SPRY3: variants seen among roughly 807,000 people sequenced by gnomAD.
SPRY3 encodes protein sprouty homolog 3.
Under a neutral mutation model 20.2 loss-of-function variants are expected in SPRY3, and 15 were observed. That is an observed-to-expected ratio of 0.74 (90% CI 0.50 to 1.14). SPRY3 has a LOEUF of 1.14. Among genes scored for constraint, SPRY3 ranks in the 50% most tolerant of loss-of-function variants. The probability of loss-of-function intolerance (pLI) is 0.00; values close to 1 mark genes in which losing one functional copy is unlikely to be tolerated. For missense variants in SPRY3, 364 were observed against 363.9 expected (o/e 1.00, Z 0.00); for synonymous variants, 143 against 136.5 (o/e 1.05, Z -0.33).
intron 2 of SPRY3, among the ~76,000 whole-genome samples, chrX:155,750,983 T>C (rs1412825737): frequency 1.3e-5 from 2 of 151,818 alleles, no homozygotes; most frequent in African/African-American, 4.8e-5. Context: ...GGAAGTGTAA[T>C]TGTAATGATG....
At chrX:155,738,881 C>T (rs2091186311) in intron 2 of SPRY3, among the ~76,000 whole-genome samples, 1 of 152,190 alleles carries the variant, frequency 6.6e-6, no homozygotes, top group African/African-American at 2.4e-5. Flanking sequence ...TTTGTACATT[C>T]CCCTAGGAAG....
Position 155,738,221 on chromosome X carries a change from G to T in SPRY3, c.-281-29741G>T, listed in dbSNP as rs1289948763. ...TTTATCAAAATGAAAAAAATGCACT[G>T]GGAAAAAGATGTTAAGAGGATGAAA... On this transcript the variant is annotated intron_variant, in intron 2 of 3. Transcript: ENST00000675360. Among the ~76,000 whole-genome samples the T allele has an allele frequency of 3.3e-5, 5 of 152,020 alleles. No individual in the cohort carries two copies. In the South Asian group the frequency reaches 6.2e-4, roughly 19 times the overall value.
At chrX:155,743,856 C>A (rs999690420) in intron 2 of SPRY3, among the ~76,000 whole-genome samples, 1 of 151,878 alleles carries the variant, frequency 6.6e-6, no homozygotes, top group Non-Finnish European at 1.5e-5. Flanking sequence ...CATGAATGAA[C>A]CTTGAAAACA....
At chrX:155,759,630 T>A (rs1318127794) in intron 2 of SPRY3, among the ~76,000 whole-genome samples, 1 of 152,174 alleles carries the variant, frequency 6.6e-6, no homozygotes, top group Admixed American at 6.5e-5. Context: ...TGTCCCTCAA[T>A]ATATGTTTGC....
chrX:155,615,955 A>G (rs2067850061), intron 1 of SPRY3, among the ~76,000 whole-genome samples: 1 of 111,124 alleles, frequency 9.0e-6, no homozygotes, highest in South Asian at 3.8e-4. Context: ...AAGGTGTTTC[A>G]CAGAACTCAA....
At chrX:155,780,621 ATCATGTG>A (rs1461005927), downstream of SPRY3, 2 of 166,936 alleles carry the variant, frequency 1.2e-5, no homozygotes, top group African/African-American at 4.8e-5. Context: ...TGGATAGAAA[ATCATGTG>A]TCCTTGGATG....
At chrX:155,722,778 G>A (rs1378039260) in intron 2 of SPRY3, among the ~76,000 whole-genome samples, 1 of 152,010 alleles carries the variant, frequency 6.6e-6, no homozygotes, top group Non-Finnish European at 1.5e-5. Context: ...TTGGCTACAA[G>A]AGAAACACTT....
intron 1 of SPRY3, among the ~76,000 whole-genome samples, chrX:155,655,850 T>C (rs1485921980): frequency 1.7e-4 from 19 of 112,343 alleles, no homozygotes; most frequent in African/African-American, 6.2e-4. Flanking sequence ...ATTTTATTTC[T>C]GCTTCACTTA....
chrX:155,670,233 T>C (rs1295937923), intron 2 of SPRY3, among the ~76,000 whole-genome samples: 1 of 111,581 alleles, frequency 9.0e-6, no homozygotes, highest in African/African-American at 3.2e-5. Context: ...CAGTGTGGCC[T>C]CTATTATTTA....
chrX:155,736,195 C>A (rs2091168177), intron 2 of SPRY3, among the ~76,000 whole-genome samples: 1 of 151,866 alleles, frequency 6.6e-6, no homozygotes, highest in Non-Finnish European at 1.5e-5. Flanking sequence ...TTATTTTGAA[C>A]AAACTTTTAC....
intron 1 of SPRY3, among the ~76,000 whole-genome samples, chrX:155,617,003 G>A (rs782501138): frequency 9.3e-6 from 1 of 107,934 alleles, no homozygotes; most frequent in South Asian, 4.1e-4. Flanking sequence ...GGTCTCAGAA[G>A]AATTCCCTTG....
At chrX:155,687,309 CCTGA>C (rs995316807) in intron 2 of SPRY3, among the ~76,000 whole-genome samples, 9 of 112,696 alleles carry the variant, frequency 8.0e-5, no homozygotes, top group Non-Finnish European at 1.7e-4. Flanking sequence ...AGGCTTTGAG[CCTGA>C]CTGACATGCT....
At chrX:155,663,417 T>C (rs1390934705) in intron 2 of SPRY3, among the ~76,000 whole-genome samples, 2 of 111,209 alleles carry the variant, frequency 1.8e-5, no homozygotes, top group Admixed American at 1.9e-4. Flanking sequence ...TAAAAATGGC[T>C]ATAGAAAGAG....
intron 2 of SPRY3, among the ~76,000 whole-genome samples, chrX:155,750,219 G>C (rs1233850310): frequency 2.0e-5 from 3 of 151,860 alleles, no homozygotes; most frequent in African/African-American, 7.3e-5. Context: ...ACAAGTGGGA[G>C]CTAAACATTG....
At chrX:155,781,888 T>C (rs2091465240) in exon 2 of SPRY3, 1 of 165,664 alleles carries the variant, frequency 6.0e-6, no homozygotes, top group South Asian at 2.1e-4. Flanking sequence ...TAATCTGAGG[T>C]TGGCCTCAGT....
intron 2 of SPRY3, chrX:155,767,663 AGG>A (rs1375886622): frequency 3.6e-5 from 5 of 140,626 alleles, no homozygotes; most frequent in African/African-American, 1.3e-4. Context: ...CAGGAGGAGG[AGG>A]AGAAGGGGGA....
intron 2 of SPRY3, among the ~76,000 whole-genome samples, chrX:155,676,123 A>G (rs1557355212): frequency 9.0e-6 from 1 of 110,854 alleles, no homozygotes; most frequent in African/African-American, 3.3e-5. Flanking sequence ...TGCCTCTCTC[A>G]TTCTCCATGA....
chrX:155,688,438 T>C (rs2068094109), intron 2 of SPRY3, among the ~76,000 whole-genome samples: 1 of 111,323 alleles, frequency 9.0e-6, no homozygotes, highest in Non-Finnish European at 1.9e-5. Context: ...GTTTCTGTCT[T>C]TAGCTCCTTG....
intron 2 of SPRY3, among the ~76,000 whole-genome samples, chrX:155,715,413 G>T (rs1160065062): frequency 6.6e-6 from 1 of 152,066 alleles, no homozygotes; most frequent in Non-Finnish European, 1.5e-5. Context: ...ACTCTGCCTG[G>T]TGCCTTATCT....
Sources: allele counts gnomAD v4.1 joint callset (sites outside exome capture counted in the v4.1 genomes callset), GRCh38; gene constraint gnomAD v4.1.1; transcripts MANE v1.5; gene names NCBI Gene and HGNC (gene_info 2026-07-23, HGNC 2026-07-21).